ERBB4: variants seen among roughly 807,000 people sequenced by gnomAD.
The protein encoded by ERBB4 is erb-b2 receptor tyrosine kinase 4.
ERBB4 carries 42 observed loss-of-function variants against 158.0 expected under a neutral mutation model. The observed-to-expected ratio is 0.27, with a 90% CI of 0.21 to 0.34. The LOEUF is 0.34. ERBB4 is among the 10% of genes least tolerant of loss of function. The pLI is 1.00. For synonymous variants in ERBB4, 583 were observed against 558.7 expected, an observed-to-expected ratio of 1.04 and a Z score of -0.61; for missense variants, 1,333 against 1,624.1, an observed-to-expected ratio of 0.82 and a Z score of 3.08.
intron 1 of ERBB4, among the ~76,000 whole-genome samples, chr2:212,214,752 A>G (rs977685054): frequency 2.6e-5 from 4 of 151,606 alleles, no homozygotes. Flanking sequence ...CCACTCCTAT[A>G]TATAATCCCC....
At chr2:212,483,838 G>A (rs1442727558) in intron 1 of ERBB4, among the ~76,000 whole-genome samples, 3 of 152,122 alleles carry the variant, frequency 2.0e-5, no homozygotes, top group African/African-American at 4.8e-5. Context: ...CAGGGTTCAC[G>A]CCATTCTCCT....
At chr2:212,037,108 GT>G (rs2077033608) in intron 2 of ERBB4, among the ~76,000 whole-genome samples, 2 of 26,318 alleles carry the variant, frequency 7.6e-5, no homozygotes, top group African/African-American at 8.7e-5. Context: ...ATTTTGAAGG[GT>G]TTTTTTGTTT....
intron 20 of ERBB4, among the ~76,000 whole-genome samples, chr2:211,521,202 T>C (rs1467537648): frequency 6.6e-6 from 1 of 152,126 alleles, no homozygotes; most frequent in Non-Finnish European, 1.5e-5. Flanking sequence ...ACCAAACAGA[T>C]AGCCAAGTTG....
In ERBB4 at chr2:211,788,144, C is replaced by T. The variant is rs2076209581; in HGVS notation, c.437G>A (p.Gly146Glu). 6.2e-7 allele frequency: 1 copy of T among 1,611,888 alleles called. No homozygotes were observed. The part of the protein sequence containing the change: ...LKNLTEILNG[G>E]VYVDQNKFLC... ...GAATTTGTTCTGGTCTACATAGACT[C>T]CACCATTTAGGATTTCTGTATTAAA... Residue 146 changes from glycine (G) to glutamate (E), a missense_variant, in exon 4 of 28, where the codon GGA becomes GAA. Gly to Glu is a moderately conservative substitution (Grantham distance 98). Coordinates refer to ENST00000342788, the MANE Select transcript of ERBB4 (RefSeq NM_005235.3).
chr2:211,407,381 A>G (rs2063168284), intron 25 of ERBB4, among the ~76,000 whole-genome samples: 1 of 152,208 alleles, frequency 6.6e-6, no homozygotes. Flanking sequence ...TGAATTATGT[A>G]TACCTCAACA....
chr2:212,121,281 G>A (rs1026340087), intron 2 of ERBB4, among the ~76,000 whole-genome samples: 32 of 152,182 alleles, frequency 2.1e-4, no homozygotes, highest in African/African-American at 7.5e-4. Context: ...GCACAGGCTG[G>A]AGTGCAGTGG....
At chr2:211,869,218 C>T (rs1575283726) in intron 3 of ERBB4, among the ~76,000 whole-genome samples, 1 of 152,304 alleles carries the variant, frequency 6.6e-6, no homozygotes, top group African/African-American at 2.4e-5. Flanking sequence ...AGAGCATAGG[C>T]TCTGAAGCCA....
intron 1 of ERBB4, among the ~76,000 whole-genome samples, chr2:212,387,871 C>T (rs1014240052): frequency 2.6e-5 from 4 of 152,008 alleles, no homozygotes; most frequent in Non-Finnish European, 5.9e-5. Flanking sequence ...AGATGATTAA[C>T]GGCAAAGATG....
Position 211,508,304 on chromosome 2 carries a change from A to C in ERBB4, c.2487+53599T>G, listed in dbSNP as rs187394496. On this transcript the variant is annotated intron_variant, in intron 20 of 27. Coordinates refer to ENST00000342788, the MANE Select transcript of ERBB4 (RefSeq NM_005235.3). ...TACGAGAAAAAAACAACCCCATCAA[A>C]AAGTGGGCGAAGGATATGAACAGAC... Among the ~76,000 whole-genome samples the C allele has an allele frequency of 8.9e-3, 1,360 of 152,262 alleles. 15 individuals carry two copies. The highest frequency in any genetic ancestry group is 0.031 in the African/African-American group (1,279 of 41,564).
At chr2:212,174,520 A>T (rs1343203682) in intron 1 of ERBB4, among the ~76,000 whole-genome samples, 1 of 152,064 alleles carries the variant, frequency 6.6e-6, no homozygotes, top group East Asian at 1.9e-4. Context: ...CAAAAGCATG[A>T]TGTGTTCAAA....
intron 2 of ERBB4, among the ~76,000 whole-genome samples, chr2:212,010,161 T>G (rs1022283702): frequency 2.0e-5 from 3 of 152,166 alleles, no homozygotes; most frequent in Admixed American, 2.0e-4. Context: ...ATCCTGAGAC[T>G]GCTGTTACAG....
intron 20 of ERBB4, among the ~76,000 whole-genome samples, chr2:211,502,163 C>A (rs865942466): frequency 6.6e-6 from 1 of 152,064 alleles, no homozygotes; most frequent in African/African-American, 2.4e-5. Context: ...TTCATAAAGG[C>A]CTTTGGCACT....
At chr2:212,068,656 GC>G (rs1483637262) in intron 2 of ERBB4, among the ~76,000 whole-genome samples, 2 of 151,954 alleles carry the variant, frequency 1.3e-5, no homozygotes, top group African/African-American at 2.4e-5. Context: ...AAGAAAAGTA[GC>G]TTTAAAAGAC....
At chr2:211,756,054 T>G (rs537850073) in intron 4 of ERBB4, among the ~76,000 whole-genome samples, 47 of 152,248 alleles carry the variant, frequency 3.1e-4, no homozygotes, top group Admixed American at 1.6e-3. Context: ...AATAGGAAAG[T>G]AGAACATTGA....
At chr2:211,461,681 G>C (rs2064534878) in intron 20 of ERBB4, among the ~76,000 whole-genome samples, 1 of 152,050 alleles carries the variant, frequency 6.6e-6, no homozygotes, top group Admixed American at 6.6e-5. Flanking sequence ...CAGAAGGAGA[G>C]AGAGATACAC....
At chr2:212,461,251 T>C (rs1224055489) in intron 1 of ERBB4, among the ~76,000 whole-genome samples, 1 of 152,086 alleles carries the variant, frequency 6.6e-6, no homozygotes, top group Admixed American at 6.6e-5. Context: ...CCTGGAAAAG[T>C]AGCAGACACT....
rs1038910337 is a variant in ERBB4 at position 211,380,923 on chromosome 2, A to G, written c.*2692T>C. ...GATTCTGCTTTCTATAGCCCAGTAG[A>G]AACCATATGCATATTGTAAATCAGA... On this transcript the variant is annotated 3_prime_UTR_variant, in exon 28 of 28. Transcript: ENST00000342788. The G allele has an allele frequency of 1.1e-4, 26 of 232,142 alleles. No individual in the cohort carries two copies. The East Asian group carries it at 1.5e-3, about 14-fold the overall frequency. The allele number at this position is 232,142 out of a possible 1,614,324, so 14.4% of individuals were successfully genotyped here. A position where few individuals can be genotyped will look rare whatever the true frequency, so the allele number is the denominator to read the frequency against.
chr2:212,188,009 C>T (rs538506778), intron 1 of ERBB4, among the ~76,000 whole-genome samples: 1 of 152,052 alleles, frequency 6.6e-6, no homozygotes, highest in Admixed American at 6.6e-5. Context: ...CTCACAATAT[C>T]GTACAGGCAA....
At chr2:212,129,460 G>C (rs937062158) in intron 1 of ERBB4, among the ~76,000 whole-genome samples, 1 of 150,974 alleles carries the variant, frequency 6.6e-6, no homozygotes, top group African/African-American at 2.4e-5. Context: ...TTCAAATCTG[G>C]ATAGTTATAT....
Sources: gnomAD v4.1 joint callset for allele counts (sites outside exome capture counted in the v4.1 genomes callset) on GRCh38, gnomAD v4.1.1 for gene constraint, MANE v1.5 for transcripts, NCBI Gene and HGNC (gene_info 2026-07-23, HGNC 2026-07-21) for gene names.